Variants in SIX4 observed in about 807,000 individuals in gnomAD.
The protein encoded by SIX4 is homeobox protein SIX4.
A neutral mutation model predicts 51.5 loss-of-function variants in SIX4; 23 were observed. The observed-to-expected ratio is 0.45, with a 90% confidence interval of 0.32 to 0.63. SIX4 has a LOEUF of 0.63. SIX4 is among the 30% of genes least tolerant of loss of function. The probability of loss-of-function intolerance (pLI) is 0.04; values close to 1 mark genes in which losing one functional copy is unlikely to be tolerated. For missense variants in SIX4, 867 were observed against 984.0 expected (o/e 0.88, Z 1.59); for synonymous variants, 413 against 417.3 (o/e 0.99, Z 0.13).
At chr14:60,721,654 G>A (rs1896022780) in intron 1 of SIX4, among the ~76,000 whole-genome samples, 1 of 152,000 alleles carries the variant, frequency 6.6e-6, no homozygotes, top group Admixed American at 6.5e-5. Flanking sequence ...GGGGGACGAA[G>A]AAGCCAGCAG....
chr14:60,723,509 G>C lies in SIX4; in HGVS notation c.566C>G (p.Ala189Gly). Residue 189 changes from alanine to glycine, a missense_variant, in exon 1 of 3, where the codon GCG becomes GGG. Physicochemically the swap from Ala to Gly is moderately conservative, Grantham distance 60 (BLOSUM62 0). Transcript: ENST00000216513. ...GGCTCGCTCGGCCTCGGTGTAGCGC[G>C]CCTTGTACCAGAGCTGCTGCAGCAG... ...HPLLQQLWYK[A>G]RYTEAERARG... The C allele has an allele frequency of 6.2e-7, 1 of 1,606,312 alleles. No individual in the cohort carries two copies. The highest frequency in any genetic ancestry group is 1.3e-5 in the African/African-American group (1 of 75,008).
chr14:60,724,202 T>C lies in SIX4; in HGVS notation c.-128A>G, dbSNP rs1896096301. The C allele has an allele frequency of 1.9e-5, 29 of 1,563,478 alleles. No homozygotes were observed. The highest frequency in any genetic ancestry group is 2.5e-5 in the Non-Finnish European group (29 of 1,161,816). The stretch of plus-strand genomic sequence containing the variant: ...CCCTCCGGAAAGCCCACTCCCTCCC[T>C]CCTGGTTTCGGCTGTATCTGGCCGA... On this transcript the variant is annotated 5_prime_UTR_variant, in exon 1 of 3. Coordinates refer to ENST00000216513, the MANE Select transcript of SIX4 (RefSeq NM_017420.5).
chr14:60,714,355 G>A, intron 2 of SIX4, 152 bp from the exon 3 acceptor site: 1 of 651,308 alleles, frequency 1.5e-6, no homozygotes, highest in Non-Finnish European at 2.5e-6. Flanking sequence ...ATTACCTTGG[G>A]CACCTAAAAC....
intron 1 of SIX4, among the ~76,000 whole-genome samples, chr14:60,721,894 C>T (rs531710211): frequency 2.6e-5 from 4 of 152,376 alleles, no homozygotes; most frequent in South Asian, 4.1e-4. Flanking sequence ...CACGCACATC[C>T]CGGTGCACCT....
chr14:60,721,008 T>C (rs1896009477), intron 1 of SIX4: 1 of 985,936 alleles, frequency 1.0e-6, no homozygotes, highest in East Asian at 1.1e-4. Flanking sequence ...TCCACCAGAC[T>C]GACAACTCTC....
intron 1 of SIX4, 59 bp downstream of exon 1, chr14:60,723,153 G>C (rs1306107674): frequency 6.8e-7 from 1 of 1,469,038 alleles, no homozygotes; most frequent in Admixed American, 2.5e-5. Flanking sequence ...TGGAGGAAAA[G>C]AAAGCCGGGA....
At position 60,712,756 on chromosome 14, in the gene SIX4, T is replaced by C. The variant is rs565459183; in HGVS notation, c.*651A>G. ...ACTGTAATTACTCAAATCCTGCTTA[T>C]AGAACTGATATATTTACATTTATAC... On this transcript the variant is annotated 3_prime_UTR_variant, in exon 3 of 3. Transcript: ENST00000216513. 6.6e-6 allele frequency: 1 copy of C among 152,534 alleles called. No individual in the cohort carries two copies. The highest frequency in any genetic ancestry group is 1.5e-5 in the Non-Finnish European group (1 of 68,034). 9.4% of individuals were successfully genotyped at this position (152,534 alleles called of 1,614,324 possible).
At position 60,724,248 on chromosome 14, in the gene SIX4, G is replaced by C; in HGVS notation, c.-174C>G. 6.5e-7 allele frequency: 1 copy of C among 1,536,854 alleles called. No individual in the cohort carries two copies. The highest frequency in any genetic ancestry group is 1.2e-5 in the South Asian group (1 of 83,610). On this transcript the variant is annotated 5_prime_UTR_variant, in exon 1 of 3. Transcript: ENST00000216513. ...GCCGATCAGGTTTCCCCCCGGCCAC[G>C]CAGTCACCATTAAGATAGCTGTTAG...
rs1896005407 is a variant in SIX4 at position 60,720,736 on chromosome 14, A to T, written c.864-291T>A. On this transcript the variant is annotated intron_variant, in intron 1 of 2. Transcript: ENST00000216513. This position sits in a 1 kb window ranked among gnomAD's most constrained non-coding sequence, Gnocchi z 5.5. ...ATTCAGCATTACAGGAGAAGAACATATTTGATTTTACAGTGTAGAAGTGCT... is the reference window on the plus strand; with the variant it reads ...ATTCAGCATTACAGGAGAAGAACATTTTTGATTTTACAGTGTAGAAGTGCT... Among the ~76,000 whole-genome samples the T allele has an allele frequency of 1.3e-5, 2 of 152,192 alleles. No individual in the cohort carries two copies. The highest frequency in any genetic ancestry group is 4.8e-5 in the African/African-American group (2 of 41,454).
chr14:60,723,949 C>A lies in SIX4; in HGVS notation c.126G>T (p.Gly42=). 1 of 1,512,808 alleles carries A rather than the reference C, an allele frequency of 6.6e-7. No individual in the cohort carries two copies. Among genetic ancestry groups the A allele is most frequent in the South Asian group, 1.3e-5 (1 of 74,548 alleles). 93.7% of individuals were successfully genotyped at this position (1,512,808 alleles called of 1,614,324 possible). The change falls in exon 1 of 3, where the codon GGG becomes GGT. Residue 42 remains glycine (G), a synonymous_variant. Transcript: ENST00000216513. ...HREVAGGAAV[G]LSPPAPAPFP... ...AAGGGGCTGGAGCCGGGGGGCTCAG[C>A]CCTACCGCCGCGCCCCCCGCCACTT...
rs1365851822 is a variant in SIX4 at position 60,721,109 on chromosome 14, C to A, written c.864-664G>T. ...CAGTCGCCTTTGAATCCAAAGGAAGCCAAAGGGGCCTATTTAACAAACACC... is the reference window on the plus strand; with the variant it reads ...CAGTCGCCTTTGAATCCAAAGGAAGACAAAGGGGCCTATTTAACAAACACC... On this transcript the variant is annotated intron_variant, in intron 1 of 2. Transcript: ENST00000216513. 3.0e-6 allele frequency: 3 copies of A among 985,420 alleles called. No homozygotes were observed. The African/African-American group carries it at 5.2e-5, about 17-fold the overall frequency. The allele number at this position is 985,420 out of a possible 1,614,324, so 61.0% of individuals were successfully genotyped here.
chr14:60,717,831 G>C lies in SIX4; in HGVS notation c.1549+1929C>G, dbSNP rs1895944889. ...GTTCAAGACCAGCCTGGCCAACATA[G>C]CAAAACCCTCTCTCTGTTAAACACA... On this transcript the variant is annotated intron_variant, in intron 2 of 2. Transcript: ENST00000216513. The surrounding 1 kb of genome is among the most constrained non-coding windows in gnomAD (Gnocchi z 4.6). 2 of 153,536 alleles carry C rather than the reference G, an allele frequency of 1.3e-5. No individual in the cohort carries two copies. Among genetic ancestry groups the C allele is most frequent in the Non-Finnish European group, 2.9e-5 (2 of 69,004 alleles). 9.5% of individuals were successfully genotyped at this position (153,536 alleles called of 1,614,324 possible). A position where few individuals can be genotyped will look rare whatever the true frequency, so the allele number is the denominator to read the frequency against.
At position 60,719,210 on chromosome 14, in the gene SIX4, A is replaced by T. The variant is rs1895974203; in HGVS notation, c.1549+550T>A. 6.6e-6 allele frequency among the ~76,000 whole-genome samples: 1 copy of T among 152,236 alleles called. No homozygotes were observed. The highest frequency in any genetic ancestry group is 6.5e-5 in the Admixed American group (1 of 15,278). On this transcript the variant is annotated intron_variant, in intron 2 of 2. Coordinates refer to ENST00000216513, the MANE Select transcript of SIX4 (RefSeq NM_017420.5). This position sits in a 1 kb window ranked among gnomAD's most constrained non-coding sequence, Gnocchi z 4.9. ...AGGGGGTTAGTATATATGCTGAGCG[A>T]TAGAAATCCAATGGCATATTCCTCT...
chr14:60,714,972 TAAAAAAA>T (rs11449594), intron 2 of SIX4, among the ~76,000 whole-genome samples: 2 of 129,334 alleles, frequency 1.5e-5, no homozygotes, highest in Admixed American at 8.4e-5. Context: ...GCCCTTTCTT[TAAAAAAA>T]AAAAAAAAAA....
In SIX4 at chr14:60,719,981, G is replaced by A. The variant is rs1208610513; in HGVS notation, c.1328C>T (p.Ser443Leu). The change falls in exon 2 of 3, where the codon TCA becomes TTA. Residue 443 changes from serine (S) to leucine (L), a missense_variant. Coordinates refer to ENST00000216513, the MANE Select transcript of SIX4 (RefSeq NM_017420.5). This position sits in a 1 kb window ranked among gnomAD's most constrained non-coding sequence, Gnocchi z 4.9. ...AGTGCTGGGTATCAGGCCTGGGAAT[G>A]AGACAGGGACACTGGGGCTGTAGGA... Reference protein sequence around the residue: ...TTSYSPSVPVSFPGLIPSTEV... With the variant: ...TTSYSPSVPVLFPGLIPSTEV... The A allele has an allele frequency of 1.2e-6, 2 of 1,614,076 alleles. No individual in the cohort carries two copies. Among genetic ancestry groups the A allele is most frequent in the East Asian group, 2.2e-5 (1 of 44,898 alleles).
rs1484017750 is a variant in SIX4 at position 60,713,661 on chromosome 14, G to A, written c.2092C>T (p.His698Tyr). The change falls in exon 3 of 3, where the codon CAC becomes TAC. Residue 698 changes from histidine to tyrosine, a missense_variant. His to Tyr is a moderately conservative substitution (Grantham distance 83, BLOSUM62 2). Coordinates refer to ENST00000216513, the MANE Select transcript of SIX4 (RefSeq NM_017420.5). ...TCCTGATGTACTGCTGGGGAGGGGT[G>A]ACCTACCTGATCTTCAGCTGTAGGA... The part of the protein sequence containing the change: ...IVPTAEDQVG[H>Y]PSPAVHQDFV... The A allele has an allele frequency of 6.2e-7, 1 of 1,614,062 alleles. No homozygotes were observed. Among genetic ancestry groups the A allele is most frequent in the African/African-American group, 1.3e-5 (1 of 74,924 alleles).
rs766238530 is a variant in SIX4, at chr14:60,714,102, T to G, written c.1651A>C (p.Ser551Arg). The G allele has an allele frequency of 5.8e-5, 94 of 1,614,020 alleles. No homozygotes were observed. The highest frequency in any genetic ancestry group is 8.0e-5 in the Non-Finnish European group (94 of 1,180,040). Reference sequence around the variant, plus strand: ...TTAGGAACCGTGTATACCACTGCACTGGGAGCAAGAGAGCTCAAGAAAACC... The same window carrying G: ...TTAGGAACCGTGTATACCACTGCACGGGGAGCAAGAGAGCTCAAGAAAACC... ...GKVFLSSLAP[S>R]AVVYTVPNTG... Residue 551 changes from serine to arginine, a missense_variant, in exon 3 of 3, where the codon AGT becomes CGT. Coordinates refer to ENST00000216513, the MANE Select transcript of SIX4 (RefSeq NM_017420.5).
chr14:60,720,049 T>C lies in SIX4; in HGVS notation c.1260A>G (p.Glu420=). 6.2e-7 allele frequency: 1 copy of C among 1,614,192 alleles called. No homozygotes were observed. Residue 420 remains glutamate (E), a synonymous_variant, in exon 2 of 3, where the codon GAA becomes GAG. Transcript: ENST00000216513. This position sits in a 1 kb window ranked among gnomAD's most constrained non-coding sequence, Gnocchi z 5.5. ...ILGSTSQDVK[E]FKVLQSSANS... ...TAGCAGAACTCTGGAGGACTTTGAATTCCTTCACGTCCTGGGAAGTAGACC... is the reference window on the plus strand; with the variant it reads ...TAGCAGAACTCTGGAGGACTTTGAACTCCTTCACGTCCTGGGAAGTAGACC...
rs1895802132 is a variant in SIX4 at position 60,710,551 on chromosome 14, C to T, written c.*2856G>A. The T allele has an allele frequency of 6.6e-6, 1 of 152,530 alleles. No individual in the cohort carries two copies. The highest frequency in any genetic ancestry group is 1.5e-5 in the Non-Finnish European group (1 of 68,032). 9.4% of individuals were successfully genotyped at this position (152,530 alleles called of 1,614,324 possible). A position where few individuals can be genotyped will look rare whatever the true frequency, so the allele number is the denominator to read the frequency against. On this transcript the variant is annotated 3_prime_UTR_variant, in exon 3 of 3. Transcript: ENST00000216513. ...TTGGGTTTTGCAGGGAGTCATTTAC[C>T]CCTGTTTTGATCTTCAGGGATCATT...
Sources: gnomAD v4.1 joint callset for allele counts (sites outside exome capture counted in the v4.1 genomes callset) on GRCh38, gnomAD v4.1.1 for gene constraint, Gnocchi (gnomAD v3.1) non-coding constraint, MANE v1.5 for transcripts, NCBI Gene and HGNC (gene_info 2026-07-23, HGNC 2026-07-21) for gene names.